Variants in ZBTB7C observed in about 807,000 individuals in gnomAD.
ZBTB7C encodes the protein zinc finger and BTB domain containing 7C, also known as zinc finger and BTB domain-containing protein 7C.
ZBTB7C carries 8 observed loss-of-function variants against 25.7 expected under a neutral mutation model. The observed-to-expected ratio is 0.31, with a 90% CI of 0.18 to 0.56. The LOEUF is 0.56. ZBTB7C is among the 20% of genes least tolerant of loss of function. The probability of loss-of-function intolerance (pLI) is 0.91; values close to 1 mark genes in which losing one functional copy is unlikely to be tolerated. For missense variants in ZBTB7C, 824 were observed against 855.2 expected (o/e 0.96, Z 0.46); for synonymous variants, 394 against 369.0 (o/e 1.07, Z -0.78).
chr18:48,232,640 G>A (rs2043284503), intron 2 of ZBTB7C, among the ~76,000 whole-genome samples: 2 of 145,946 alleles, frequency 1.4e-5, no homozygotes, highest in Admixed American at 1.4e-4. Context: ...TGAAATTTTG[G>A]GGTACTTAGT....
chr18:48,186,808 T>A (rs1166786023), intron 2 of ZBTB7C, among the ~76,000 whole-genome samples: 1 of 152,174 alleles, frequency 6.6e-6, no homozygotes, highest in Non-Finnish European at 1.5e-5. Context: ...GAGGGGAGAC[T>A]GTTAATGAGT....
intron 2 of ZBTB7C, among the ~76,000 whole-genome samples, chr18:48,315,225 C>T (rs1055787125): frequency 2.0e-5 from 3 of 152,194 alleles, no homozygotes; most frequent in African/African-American, 7.2e-5. Context: ...AGGAACTCAG[C>T]AACAGCTGGA....
At chr18:48,225,385 G>C (rs958132687) in intron 2 of ZBTB7C, among the ~76,000 whole-genome samples, 1 of 152,048 alleles carries the variant, frequency 6.6e-6, no homozygotes, top group Non-Finnish European at 1.5e-5. Flanking sequence ...AGGAAAGGGA[G>C]AGGGAGAGGA....
Position 48,029,266 on chromosome 18 carries a change from G to A in ZBTB7C, c.1854C>T (p.Asn618=). 1 of 1,537,922 alleles carries A rather than the reference G, an allele frequency of 6.5e-7. No individual in the cohort carries two copies. The highest frequency in any genetic ancestry group is 8.7e-7 in the Non-Finnish European group (1 of 1,148,942). The change falls in exon 5 of 5, where the codon AAC becomes AAT. Residue 618 remains asparagine (N), a synonymous_variant. Transcript: ENST00000590800. ...GGAGCCGACAGGGACCAGCCTAGTT[G>A]TTGGCTTCGGACATGGAGGCCACGT... ...LNHVASMSEA[N]N
At chr18:48,360,206 T>G (rs1297744548) in intron 1 of ZBTB7C, among the ~76,000 whole-genome samples, 2 of 152,206 alleles carry the variant, frequency 1.3e-5, no homozygotes, top group Non-Finnish European at 2.9e-5. Flanking sequence ...CCAATTCAAT[T>G]CAATTCTATA....
chr18:48,333,618 C>G (rs2046390236), intron 2 of ZBTB7C, among the ~76,000 whole-genome samples: 1 of 152,172 alleles, frequency 6.6e-6, no homozygotes, highest in African/African-American at 2.4e-5. Context: ...CCAAATGTGC[C>G]ATAGATCATC....
intron 3 of ZBTB7C, among the ~76,000 whole-genome samples, chr18:48,107,332 T>G (rs1568223890): frequency 7.2e-6 from 1 of 139,810 alleles, no homozygotes; most frequent in Non-Finnish European, 1.5e-5. Context: ...TGAAAGGCAA[T>G]GGGAAAAGGG....
intron 2 of ZBTB7C, among the ~76,000 whole-genome samples, chr18:48,293,980 G>T (rs35244916): frequency 6.6e-6 from 1 of 152,104 alleles, no homozygotes; most frequent in Non-Finnish European, 1.5e-5. Context: ...GATCAGGCCC[G>T]CTGTGGCCGT....
intron 3 of ZBTB7C, among the ~76,000 whole-genome samples, chr18:48,102,012 C>A (rs2038849296): frequency 6.6e-6 from 1 of 152,102 alleles, no homozygotes; most frequent in African/African-American, 2.4e-5. Flanking sequence ...AAAAAAAGAA[C>A]AAGAGGTTAG....
At chr18:48,325,268 A>C (rs1372608343) in intron 2 of ZBTB7C, among the ~76,000 whole-genome samples, 1 of 152,204 alleles carries the variant, frequency 6.6e-6, no homozygotes, top group African/African-American at 2.4e-5. Context: ...AAGAGCCCAC[A>C]TAATGGAAAT....
chr18:48,045,907 G>A (rs914710722), intron 3 of ZBTB7C, among the ~76,000 whole-genome samples: 3 of 152,230 alleles, frequency 2.0e-5, no homozygotes, highest in Non-Finnish European at 4.4e-5. Context: ...AGCAGCCCTA[G>A]GGAGAGGTCC....
chr18:48,134,153 C>A (rs573038601), intron 3 of ZBTB7C, among the ~76,000 whole-genome samples: 1 of 146,676 alleles, frequency 6.8e-6, no homozygotes, highest in Non-Finnish European at 1.5e-5. Context: ...TAGCAGAAGT[C>A]GGTAACAATT....
intron 1 of ZBTB7C, among the ~76,000 whole-genome samples, chr18:48,364,906 C>T (rs1568402468): frequency 6.6e-6 from 1 of 152,142 alleles, no homozygotes; most frequent in Non-Finnish European, 1.5e-5. Flanking sequence ...ATCAGAATTA[C>T]CTGGCCAGCT....
At chr18:48,375,971 T>C (rs1873126) in intron 1 of ZBTB7C, among the ~76,000 whole-genome samples, 109,363 of 152,168 alleles carry the variant, frequency 0.72, 39,942 homozygotes, top group East Asian at 0.95. Flanking sequence ...TTAAGAGCAG[T>C]GTTTCTCAAA....
At chr18:48,055,293 C>T (rs912383758) in intron 3 of ZBTB7C, among the ~76,000 whole-genome samples, 7 of 151,552 alleles carry the variant, frequency 4.6e-5, no homozygotes, top group African/African-American at 1.7e-4. Flanking sequence ...GCATATAATC[C>T]CAGCTACTCG....
chr18:48,233,190 G>A (rs1440725860), intron 2 of ZBTB7C, among the ~76,000 whole-genome samples: 2 of 151,958 alleles, frequency 1.3e-5, no homozygotes, highest in African/African-American at 4.8e-5. Flanking sequence ...GTGGGAGTGG[G>A]TTTATTATAA....
At chr18:48,088,517 C>T (rs2038281187) in intron 3 of ZBTB7C, among the ~76,000 whole-genome samples, 1 of 152,170 alleles carries the variant, frequency 6.6e-6, no homozygotes, top group African/African-American at 2.4e-5. Context: ...TCCATTTTGG[C>T]TGGTTGGATA....
chr18:48,247,856 C>A (rs1362281726), intron 2 of ZBTB7C, among the ~76,000 whole-genome samples: 3 of 152,214 alleles, frequency 2.0e-5, no homozygotes, highest in Admixed American at 6.5e-5. Context: ...CTGCCACCCC[C>A]CTGCGAAGAG....
At chr18:48,213,269 C>T (rs558660001) in intron 2 of ZBTB7C, among the ~76,000 whole-genome samples, 5 of 152,246 alleles carry the variant, frequency 3.3e-5, no homozygotes, top group Non-Finnish European at 7.3e-5. Flanking sequence ...TTTTTGACTA[C>T]ACAGGTGCCT....
Sources: gnomAD v4.1 joint callset for allele counts (sites outside exome capture counted in the v4.1 genomes callset) on GRCh38, gnomAD v4.1.1 for gene constraint, MANE v1.5 for transcripts, NCBI Gene and HGNC (gene_info 2026-07-23, HGNC 2026-07-21) for gene names.